Variants in RASSF3 observed in about 807,000 individuals in gnomAD.
RASSF3 encodes ras association domain-containing protein 3.
In RASSF3, 19 loss-of-function variants were observed where a neutral mutation model predicts 19.9. That is an observed-to-expected ratio of 0.96 (90% CI 0.67 to 1.40). The LOEUF (loss-of-function observed/expected upper bound fraction) is 1.40. Ranked by LOEUF, RASSF3 falls within the 40% of genes most tolerant of loss-of-function variation. The pLI is 0.00. For synonymous variants in RASSF3, 110 were observed against 104.2 expected, an observed-to-expected ratio of 1.06 and a Z score of -0.34; for missense variants, 306 against 289.8, an observed-to-expected ratio of 1.06 and a Z score of -0.41.
At chr12:64,522,501 C>CA (rs141609351) in intron 1 of RASSF3, among the ~76,000 whole-genome samples, 3,038 of 152,206 alleles carry the variant, frequency 0.02, 48 homozygotes, top group Non-Finnish European at 0.033. Context: ...AGCACGTTCA[C>CA]AAAAGACCAC....
chr12:64,507,374 G>T (rs7956852), intron 1 of RASSF3: 352,380 of 397,588 alleles, frequency 0.89, 156,644 homozygotes, highest in Admixed American at 0.92. Context: ...CCGTTTTTTT[G>T]TGTGTGTGTG....
intron 2 of RASSF3, among the ~76,000 whole-genome samples, chr12:64,600,356 C>A (rs1870072021): frequency 6.6e-6 from 1 of 152,006 alleles, no homozygotes; most frequent in Admixed American, 6.6e-5. Flanking sequence ...GGTTTTTGTC[C>A]CCCCTGTGGG....
intron 2 of RASSF3, among the ~76,000 whole-genome samples, chr12:64,561,131 G>A (rs1869340622): frequency 6.6e-6 from 1 of 152,162 alleles, no homozygotes; most frequent in Non-Finnish European, 1.5e-5. Flanking sequence ...TGCAGCTGTG[G>A]CCATTAGTCA....
intron 1 of RASSF3, among the ~76,000 whole-genome samples, chr12:64,633,896 G>A (rs1218202656): frequency 6.6e-6 from 1 of 152,216 alleles, no homozygotes; most frequent in East Asian, 1.9e-4. Flanking sequence ...CACTTTGGGA[G>A]GCTGAGGTGG....
chr12:64,693,088 T>A (rs1022797719), intron 4 of RASSF3, among the ~76,000 whole-genome samples: 4 of 151,956 alleles, frequency 2.6e-5, no homozygotes, highest in African/African-American at 4.8e-5. Context: ...GTTAAAATTT[T>A]AAAAATTAAC....
chr12:64,580,545 T>C (rs541338018), intron 2 of RASSF3, among the ~76,000 whole-genome samples: 22 of 147,310 alleles, frequency 1.5e-4, no homozygotes, highest in East Asian at 6.0e-4. Context: ...TCCTGGGGGA[T>C]AGAATGAGAC....
Position 64,676,593 on chromosome 12 carries a change from T to C in RASSF3, c.112-8194T>C, listed in dbSNP as rs1872913270. ...TTCAAGTGATTCTCCTGCCTCAGAC[T>C]CACAAGTAGCTAGGATTACAGGCTC... On this transcript the variant is annotated intron_variant, in intron 1 of 4. Transcript: ENST00000542104. Among the ~76,000 whole-genome samples, 4 of 148,990 alleles carry C rather than the reference T, an allele frequency of 2.7e-5. No homozygotes were observed. In the South Asian group the frequency reaches 8.7e-4, roughly 32 times the overall value.
chr12:64,518,556 A>T (rs1386677766), intron 1 of RASSF3, among the ~76,000 whole-genome samples: 8 of 152,262 alleles, frequency 5.3e-5, no homozygotes, highest in Admixed American at 5.2e-4. Context: ...TGCATGAGGG[A>T]TCCATCCCCA....
chr12:64,582,065 G>A (rs1376293485), intron 2 of RASSF3, among the ~76,000 whole-genome samples: 1 of 151,942 alleles, frequency 6.6e-6, no homozygotes, highest in Non-Finnish European at 1.5e-5. Flanking sequence ...TGCCCAGGTG[G>A]GGGTCTCAAA....
intron 1 of RASSF3, among the ~76,000 whole-genome samples, chr12:64,520,882 T>C (rs556370773): frequency 6.6e-6 from 1 of 152,186 alleles, no homozygotes; most frequent in African/African-American, 2.4e-5. Flanking sequence ...AGATGACCTT[T>C]CTTTAGAGTA....
chr12:64,509,253 C>T (rs1260179830), intron 1 of RASSF3, among the ~76,000 whole-genome samples: 1 of 152,104 alleles, frequency 6.6e-6, no homozygotes, highest in Non-Finnish European at 1.5e-5. Flanking sequence ...AGTTTGAGAC[C>T]AGCCTGGCCA....
At chr12:64,547,981 A>G (rs777409505) in intron 2 of RASSF3, among the ~76,000 whole-genome samples, 4 of 152,030 alleles carry the variant, frequency 2.6e-5, no homozygotes, top group Non-Finnish European at 5.9e-5. Context: ...TCCATTGTCT[A>G]TATGTATTTC....
At chr12:64,614,069 A>C (rs1003308059) in intron 1 of RASSF3, among the ~76,000 whole-genome samples, 4 of 152,010 alleles carry the variant, frequency 2.6e-5, no homozygotes, top group African/African-American at 9.7e-5. Context: ...GTAGTTGCTC[A>C]GTGAATGCAA....
chr12:64,657,120 T>C (rs1029228120), intron 1 of RASSF3, among the ~76,000 whole-genome samples: 6 of 151,708 alleles, frequency 4.0e-5, no homozygotes, highest in African/African-American at 1.5e-4. Context: ...AGCGATTTTC[T>C]CCTGCCTCAA....
chr12:64,592,355 C>T (rs1333980546), intron 2 of RASSF3, among the ~76,000 whole-genome samples: 1 of 152,134 alleles, frequency 6.6e-6, no homozygotes, highest in Admixed American at 6.5e-5. Flanking sequence ...CATAATATTC[C>T]ATTAGCCAAT....
rs78163218 is a variant in RASSF3, at chr12:64,674,389, G to A, written c.112-10398G>A. On this transcript the variant is annotated intron_variant, in intron 1 of 4. Coordinates refer to ENST00000542104, the MANE Select transcript of RASSF3 (RefSeq NM_178169.4). ...AGCCCTCTTCTATATCCAACACTAA[G>A]GTAGTTCCAGCACAGTATTCTGGGA... 8.7e-3 allele frequency among the ~76,000 whole-genome samples: 1,318 copies of A among 152,272 alleles called. 10 individuals are homozygous for A. The highest frequency in any genetic ancestry group is 0.014 in the Middle Eastern group (4 of 294).
chr12:64,596,399 C>T (rs959397605), intron 2 of RASSF3, among the ~76,000 whole-genome samples: 1 of 152,112 alleles, frequency 6.6e-6, no homozygotes, highest in Non-Finnish European at 1.5e-5. Flanking sequence ...TAAAGGAAAC[C>T]CGAAATTGCA....
intron 2 of RASSF3, among the ~76,000 whole-genome samples, chr12:64,580,416 A>G (rs139325185): frequency 4.5e-4 from 69 of 152,220 alleles, no homozygotes; most frequent in African/African-American, 1.6e-3. Context: ...TTAAATCAAC[A>G]GAGCCGGCAC....
intron 2 of RASSF3, among the ~76,000 whole-genome samples, chr12:64,552,247 C>T (rs964248302): frequency 2.0e-5 from 3 of 152,052 alleles, no homozygotes; most frequent in South Asian, 2.1e-4. Flanking sequence ...AGACCTGAGA[C>T]CCAGGAGAAC....
Sources: allele counts gnomAD v4.1 joint callset (sites outside exome capture counted in the v4.1 genomes callset), GRCh38; gene constraint gnomAD v4.1.1; transcripts MANE v1.5; gene names NCBI Gene and HGNC (gene_info 2026-07-23, HGNC 2026-07-21).